The following TBC1D4 variants were observed in gnomAD, a reference collection of about 807,000 sequenced individuals.
TBC1D4 encodes TBC1 domain family member 4, also known as TBC (Tre-2, BUB2, CDC16) domain-containing protein.
Under a neutral mutation model 142.5 loss-of-function variants are expected in TBC1D4, and 121 were observed. The observed-to-expected ratio is 0.85, with a 90% CI of 0.73 to 0.99. The LOEUF is 0.99. Among genes scored for constraint, TBC1D4 ranks in the 50% least tolerant of loss-of-function variants. The pLI is 0.00. For synonymous variants in TBC1D4, 630 were observed against 628.2 expected (o/e 1.00, Z -0.04); for missense variants, 1,475 against 1,606.6 (o/e 0.92, Z 1.40).
intron 1 of TBC1D4, among the ~76,000 whole-genome samples, chr13:75,404,063 TAC>T (rs1345766063): frequency 6.7e-6 from 1 of 149,074 alleles, no homozygotes; most frequent in Admixed American, 6.6e-5. Context: ...TATATATACA[TAC>T]ACACACACAC....
intron 17 of TBC1D4, among the ~76,000 whole-genome samples, chr13:75,295,365 A>G (rs2137854826): frequency 6.6e-6 from 1 of 152,260 alleles, no homozygotes; most frequent in East Asian, 1.9e-4. Context: ...ATCCCTTCTA[A>G]TTTCAGACTA....
At chr13:75,337,817 TG>T (rs1880352270) in intron 7 of TBC1D4, among the ~76,000 whole-genome samples, 1 of 152,106 alleles carries the variant, frequency 6.6e-6, no homozygotes, top group Non-Finnish European at 1.5e-5. Flanking sequence ...TCCCCAGAAC[TG>T]GGGATGCTTG....
At chr13:75,407,031 T>A (rs1292833598) in intron 1 of TBC1D4, among the ~76,000 whole-genome samples, 1 of 152,092 alleles carries the variant, frequency 6.6e-6, no homozygotes, top group Non-Finnish European at 1.5e-5. Context: ...CTGAGGCATG[T>A]GAGACAAGCT....
At chr13:75,344,314 G>T (rs1276858536) in intron 5 of TBC1D4, among the ~76,000 whole-genome samples, 1 of 152,174 alleles carries the variant, frequency 6.6e-6, no homozygotes, top group Non-Finnish European at 1.5e-5. Context: ...AAATAAAGAA[G>T]GTAGTTATTT....
intron 1 of TBC1D4, among the ~76,000 whole-genome samples, chr13:75,468,488 C>T (rs9543937): frequency 0.38 from 57,996 of 152,010 alleles, 13,646 homozygotes; most frequent in South Asian, 0.6. Flanking sequence ...CACACATTCT[C>T]CTGTTGGTAG....
chr13:75,318,328 C>A (rs1245421938), intron 12 of TBC1D4, among the ~76,000 whole-genome samples: 1 of 152,228 alleles, frequency 6.6e-6, no homozygotes, highest in Admixed American at 6.5e-5. Context: ...AAACTCCCAG[C>A]ATCTGCACTT....
intron 11 of TBC1D4, among the ~76,000 whole-genome samples, chr13:75,323,121 T>C (rs1878923605): frequency 6.6e-6 from 1 of 152,138 alleles, no homozygotes; most frequent in Non-Finnish European, 1.5e-5. Flanking sequence ...AGTTATATAT[T>C]AACTTTTAGC....
intron 18 of TBC1D4, 30 bp downstream of exon 18, chr13:75,294,824 C>T (rs1481382871): frequency 3.7e-6 from 6 of 1,606,480 alleles, no homozygotes; most frequent in Non-Finnish European, 5.1e-6. Flanking sequence ...ATAAATAATA[C>T]TGTTCCATTT....
At chr13:75,361,944 G>A in intron 2 of TBC1D4, 82 bp downstream of exon 2, 1 of 1,467,136 alleles carries the variant, frequency 6.8e-7, no homozygotes, top group African/African-American at 1.4e-5. Flanking sequence ...ATATAGAGGT[G>A]GAGCTGGGAG....
At chr13:75,402,003 A>G (rs1204076897) in intron 1 of TBC1D4, among the ~76,000 whole-genome samples, 1 of 152,216 alleles carries the variant, frequency 6.6e-6, no homozygotes, top group East Asian at 1.9e-4. Flanking sequence ...AATCTCCTGA[A>G]ACATGTAGAT....
At chr13:75,465,741 C>CT (rs1357714714) in intron 1 of TBC1D4, among the ~76,000 whole-genome samples, 1 of 152,150 alleles carries the variant, frequency 6.6e-6, no homozygotes, top group African/African-American at 2.4e-5. Flanking sequence ...AGAACAGACT[C>CT]TTTAAGTCTG....
intron 1 of TBC1D4, among the ~76,000 whole-genome samples, chr13:75,410,064 A>G (rs182280952): frequency 1.3e-5 from 2 of 152,362 alleles, no homozygotes; most frequent in Middle Eastern, 3.4e-3. Context: ...CCTTGTATAA[A>G]CAAAATAACA....
At chr13:75,358,037 A>G (rs1355643664) in intron 3 of TBC1D4, among the ~76,000 whole-genome samples, 1 of 150,224 alleles carries the variant, frequency 6.7e-6, no homozygotes, top group African/African-American at 2.5e-5. Context: ...GAGCATTGCG[A>G]GTTTTCTCAC....
chr13:75,382,912 T>C (rs1883933298), intron 1 of TBC1D4, among the ~76,000 whole-genome samples: 1 of 152,268 alleles, frequency 6.6e-6, no homozygotes, highest in Non-Finnish European at 1.5e-5. Flanking sequence ...TCTTTTAATC[T>C]GTTTACTAGA....
chr13:75,294,889 G>A lies in TBC1D4; in HGVS notation c.3281C>T (p.Ser1094Phe). ...AAPWFLTLFA[S>F]QFSLGFVARV... is the part of the protein sequence containing the mutation. ...GGCTACAAATCCTAATGAAAACTGA[G>A]AGGCAAACAATGTGAGGAACCAGGG... Residue 1094 changes from serine to phenylalanine, a missense_variant, in exon 18 of 21, where the codon TCT becomes TTT. Around this residue, in one of 2 missense-constraint regions of TBC1D4, gnomAD observed 248 missense variants for 338.9 expected, o/e 0.73. Coordinates refer to ENST00000377636, the MANE Select transcript of TBC1D4 (RefSeq NM_014832.5). The A allele has an allele frequency of 6.2e-7, 1 of 1,613,912 alleles. No homozygotes were observed. Among genetic ancestry groups the A allele is most frequent in the Non-Finnish European group, 8.5e-7 (1 of 1,179,872 alleles).
chr13:75,348,983 G>C (rs1161403698), intron 5 of TBC1D4, among the ~76,000 whole-genome samples, 187 bp downstream of exon 5: 2 of 151,498 alleles, frequency 1.3e-5, no homozygotes, highest in African/African-American at 4.8e-5. Context: ...GTGTGTGTGT[G>C]TGTGTGTGTG....
chr13:75,344,181 TC>T (rs1880964129), intron 5 of TBC1D4, among the ~76,000 whole-genome samples: 2 of 152,210 alleles, frequency 1.3e-5, no homozygotes, highest in Non-Finnish European at 2.9e-5. Context: ...TGGGAAAGTC[TC>T]CTTCAGAGGC....
intron 5 of TBC1D4, among the ~76,000 whole-genome samples, chr13:75,348,645 C>T (rs947679954): frequency 6.6e-6 from 1 of 152,168 alleles, no homozygotes; most frequent in African/African-American, 2.4e-5. Context: ...AAAAAAACTG[C>T]TTTATATTAT....
chr13:75,369,943 G>T (rs778682894), intron 1 of TBC1D4, among the ~76,000 whole-genome samples: 11 of 152,258 alleles, frequency 7.2e-5, no homozygotes, highest in Middle Eastern at 3.4e-3. Flanking sequence ...AAATATAAGG[G>T]ATTTTAGTGA....
Sources: gnomAD v4.1 joint callset for allele counts (sites outside exome capture counted in the v4.1 genomes callset) on GRCh38, gnomAD v4.1.1 for gene constraint, gnomAD v4.1.1 regional missense constraint, MANE v1.5 for transcripts, NCBI Gene and HGNC (gene_info 2026-07-23, HGNC 2026-07-21) for gene names.